LRRTM4: variants seen among roughly 807,000 people sequenced by gnomAD.
LRRTM4 encodes the protein leucine rich repeat transmembrane neuronal 4, also known as leucine-rich repeat transmembrane neuronal protein 4.
Under a neutral mutation model 47.6 loss-of-function variants are expected in LRRTM4, and 25 were observed. The ratio of observed to expected loss-of-function variants is 0.53; its 90% CI spans 0.38 to 0.73. The LOEUF (loss-of-function observed/expected upper bound fraction) is 0.73, where lower values mean the gene tolerates loss of function less well. Among genes scored for constraint, LRRTM4 ranks in the 30% least tolerant of loss-of-function variants. The pLI, the probability that LRRTM4 is intolerant of heterozygous loss-of-function variation, is 0.00. For missense variants in LRRTM4, 638 were observed against 713.4 expected (o/e 0.89, Z 1.20); for synonymous variants, 311 against 269.5 (o/e 1.15, Z -1.51).
At chr2:77,072,346 T>C (rs1280232220) in intron 3 of LRRTM4, among the ~76,000 whole-genome samples, 16 of 152,208 alleles carry the variant, frequency 1.1e-4, no homozygotes, top group Admixed American at 5.9e-4. Flanking sequence ...TATAAACTTA[T>C]ACATTTAACA....
At chr2:76,778,404 T>C (rs1313769696) in intron 3 of LRRTM4, among the ~76,000 whole-genome samples, 3 of 145,044 alleles carry the variant, frequency 2.1e-5, no homozygotes, top group Non-Finnish European at 4.5e-5. Context: ...CTCTTTTTGG[T>C]TGGTAAGCTA....
chr2:76,764,233 A>T (rs918190757), intron 3 of LRRTM4, among the ~76,000 whole-genome samples: 1 of 152,226 alleles, frequency 6.6e-6, no homozygotes, highest in African/African-American at 2.4e-5. Context: ...GATTTGGAGA[A>T]TTCTCAGCCC....
rs547011237 is a variant in LRRTM4 at position 77,437,114 on chromosome 2, T to C, written c.1551+81204A>G. ...AATTTGCTAAGGGTAGCCATTTTAA[T>C]TAAGATGACCTTTCAATATTGGTCT... On this transcript the variant is annotated intron_variant, in intron 3 of 3. Coordinates refer to ENST00000409884, the MANE Select transcript of LRRTM4 (RefSeq NM_001134745.3). 2.0e-5 allele frequency among the ~76,000 whole-genome samples: 3 copies of C among 152,182 alleles called. No homozygotes were observed. In the South Asian group the frequency reaches 6.2e-4, roughly 32 times the overall value.
intron 3 of LRRTM4, among the ~76,000 whole-genome samples, chr2:77,481,868 G>T (rs988181455): frequency 9.5e-5 from 12 of 125,900 alleles, no homozygotes; most frequent in Non-Finnish European, 3.4e-5. Flanking sequence ...AGAGTGAAGG[G>T]TTTTTTTTTT....
chr2:77,198,864 C>T (rs1300930817), intron 3 of LRRTM4, among the ~76,000 whole-genome samples: 1 of 152,146 alleles, frequency 6.6e-6, no homozygotes, highest in African/African-American at 2.4e-5. Flanking sequence ...ATTCTTAGTG[C>T]TCATCATGTT....
At chr2:77,197,505 A>T (rs1673862133) in intron 3 of LRRTM4, among the ~76,000 whole-genome samples, 1 of 152,182 alleles carries the variant, frequency 6.6e-6, no homozygotes, top group East Asian at 1.9e-4. Context: ...GAAAAAGTAC[A>T]TCTTACAACT....
At chr2:77,241,205 TACACACACACACACAC>T (rs10555648) in intron 3 of LRRTM4, among the ~76,000 whole-genome samples, 6 of 119,726 alleles carry the variant, frequency 5.0e-5, no homozygotes, top group Admixed American at 2.8e-4. Flanking sequence ...GAATTGGAAA[TACACACACACACACAC>T]ACACACACAC....
chr2:77,455,268 G>A (rs754857591), intron 3 of LRRTM4, among the ~76,000 whole-genome samples: 26 of 152,094 alleles, frequency 1.7e-4, no homozygotes, highest in Non-Finnish European at 2.4e-4. Context: ...AGAGACTATC[G>A]TATTATTTTC....
At chr2:77,263,780 T>C (rs763543578) in intron 3 of LRRTM4, among the ~76,000 whole-genome samples, 4 of 152,104 alleles carry the variant, frequency 2.6e-5, no homozygotes, top group Admixed American at 6.6e-5. Flanking sequence ...GTTATGCTTT[T>C]TCTCTCTTCC....
chr2:77,449,826 C>T (rs1442775685), intron 3 of LRRTM4, among the ~76,000 whole-genome samples: 1 of 152,220 alleles, frequency 6.6e-6, no homozygotes, highest in African/African-American at 2.4e-5. Context: ...TTGGATGCTA[C>T]TACTGACAAT....
chr2:76,792,057 A>C (rs987456842), intron 3 of LRRTM4, among the ~76,000 whole-genome samples: 3 of 152,182 alleles, frequency 2.0e-5, no homozygotes, highest in African/African-American at 7.2e-5. Context: ...TTATCTAAGC[A>C]TGCAAACCTG....
Position 77,011,211 on chromosome 2 carries a change from A to C in LRRTM4, c.1552-262295T>G, listed in dbSNP as rs138955841. Among the ~76,000 whole-genome samples, 418 of 152,294 alleles carry C rather than the reference A, an allele frequency of 2.7e-3. 6 individuals carry two copies. The highest frequency in any genetic ancestry group is 8.7e-3 in the African/African-American group (361 of 41,574). On this transcript the variant is annotated intron_variant, in intron 3 of 3. Coordinates refer to ENST00000409884, the MANE Select transcript of LRRTM4 (RefSeq NM_001134745.3). ...TTAGCCCAATATTTTCAAAAATATA[A>C]TTTCAACATGTAATCACATATAATA...
At chr2:76,813,247 G>A (rs537710351) in intron 3 of LRRTM4, among the ~76,000 whole-genome samples, 8 of 152,240 alleles carry the variant, frequency 5.3e-5, no homozygotes, top group African/African-American at 1.9e-4. Flanking sequence ...GTATACCCAG[G>A]AAATCACCCC....
At chr2:77,413,792 T>C in intron 3 of LRRTM4, among the ~76,000 whole-genome samples, 1 of 152,064 alleles carries the variant, frequency 6.6e-6, no homozygotes, top group Admixed American at 6.6e-5. Flanking sequence ...TGGACATAAG[T>C]TTCATAAGTA....
At chr2:77,268,861 C>G (rs1043468941) in intron 3 of LRRTM4, among the ~76,000 whole-genome samples, 1 of 152,100 alleles carries the variant, frequency 6.6e-6, no homozygotes, top group Non-Finnish European at 1.5e-5. Flanking sequence ...CCAGAAACAA[C>G]AGCATACTTC....
intron 3 of LRRTM4, among the ~76,000 whole-genome samples, chr2:77,033,744 CTGTTT>C (rs1267866242): frequency 2.0e-5 from 3 of 151,698 alleles, no homozygotes; most frequent in Admixed American, 6.6e-5. Flanking sequence ...ATCAATAGGG[CTGTTT>C]TGTTTTATGC....
intron 3 of LRRTM4, among the ~76,000 whole-genome samples, chr2:76,959,926 G>A (rs1432299600): frequency 6.6e-6 from 1 of 151,464 alleles, no homozygotes; most frequent in South Asian, 2.1e-4. Context: ...GTCATTATTA[G>A]TGGTATTACT....
At chr2:77,188,683 T>A (rs1037426905) in intron 3 of LRRTM4, among the ~76,000 whole-genome samples, 1 of 152,146 alleles carries the variant, frequency 6.6e-6, no homozygotes, top group Non-Finnish European at 1.5e-5. Flanking sequence ...GACGATAACA[T>A]CTAATGTGTG....
chr2:77,079,187 C>T (rs948587486), intron 3 of LRRTM4, among the ~76,000 whole-genome samples: 1 of 152,134 alleles, frequency 6.6e-6, no homozygotes, highest in Non-Finnish European at 1.5e-5. Flanking sequence ...CTGTTTTCTG[C>T]CAGTAATAGA....
Sources: allele counts gnomAD v4.1 joint callset (sites outside exome capture counted in the v4.1 genomes callset), GRCh38; gene constraint gnomAD v4.1.1; transcripts MANE v1.5; gene names NCBI Gene and HGNC (gene_info 2026-07-23, HGNC 2026-07-21).